The following NAALADL2 variants were observed in gnomAD, a reference collection of about 807,000 sequenced individuals.
NAALADL2 encodes the protein inactive N-acetylated-alpha-linked acidic dipeptidase-like protein 2.
Under a neutral mutation model 87.2 loss-of-function variants are expected in NAALADL2, and 76 were observed. The ratio of observed to expected loss-of-function variants is 0.87; its 90% CI spans 0.72 to 1.05. The LOEUF (loss-of-function observed/expected upper bound fraction) is 1.05. Ranked by LOEUF, NAALADL2 falls within the 50% of genes least tolerant of loss-of-function variation. NAALADL2 has a pLI of 0.00. For synonymous variants in NAALADL2, 354 were observed against 331.0 expected (o/e 1.07, Z -0.75); for missense variants, 1,089 against 945.8 (o/e 1.15, Z -1.99).
At chr3:174,745,975 T>G (rs1734214254) in intron 3 of NAALADL2, among the ~76,000 whole-genome samples, 1 of 152,128 alleles carries the variant, frequency 6.6e-6, no homozygotes, top group African/African-American at 2.4e-5. Flanking sequence ...CCAATATCAT[T>G]CTGAATGGGC....
Position 174,625,867 on chromosome 3 carries a change from C to G in NAALADL2, c.-115+75230C>G, listed in dbSNP as rs142215237. On this transcript the variant is annotated intron_variant, in intron 2 of 3. Coordinates refer to the NAALADL2 transcript ENST00000434257. Reference sequence around the variant, plus strand: ...ATTCACACCTGTGCGCATATACATACTTCATTTGAAAAATACTGGAGGACT... The same window carrying G: ...ATTCACACCTGTGCGCATATACATAGTTCATTTGAAAAATACTGGAGGACT... Among the ~76,000 whole-genome samples the G allele has an allele frequency of 7.8e-3, 1,184 of 152,038 alleles. 16 individuals are homozygous for G. Among genetic ancestry groups the G allele is most frequent in the African/African-American group, 0.027 (1,117 of 41,484 alleles).
chr3:175,018,877 A>C (rs1055117918), intron 1 of NAALADL2, among the ~76,000 whole-genome samples: 2 of 152,082 alleles, frequency 1.3e-5, no homozygotes, highest in Non-Finnish European at 2.9e-5. Flanking sequence ...AAAAAACAGC[A>C]TAAAGGCTGA....
intron 1 of NAALADL2, among the ~76,000 whole-genome samples, chr3:174,933,755 G>T (rs918951565): frequency 6.6e-6 from 1 of 152,090 alleles, no homozygotes; most frequent in African/African-American, 2.4e-5. Context: ...TAAAGGAAAA[G>T]GAACTCCCAA....
chr3:174,644,584 C>T (rs910621627), intron 2 of NAALADL2, among the ~76,000 whole-genome samples: 3 of 151,994 alleles, frequency 2.0e-5, no homozygotes, highest in African/African-American at 4.8e-5. Context: ...AGTTTAAACC[C>T]AGGTTGTTCA....
At chr3:175,086,316 G>C (rs1273246925) in intron 1 of NAALADL2, among the ~76,000 whole-genome samples, 3 of 151,954 alleles carry the variant, frequency 2.0e-5, no homozygotes, top group African/African-American at 4.8e-5. Flanking sequence ...GATATCAACA[G>C]TGAAACTTGT....
chr3:174,783,575 T>G (rs1466866110), intron 3 of NAALADL2, among the ~76,000 whole-genome samples: 2 of 152,160 alleles, frequency 1.3e-5, no homozygotes, highest in Non-Finnish European at 2.9e-5. Flanking sequence ...TAGGCCAAAT[T>G]TAGCCCATAG....
chr3:175,077,741 T>C (rs1024231752), intron 1 of NAALADL2, among the ~76,000 whole-genome samples: 7 of 152,134 alleles, frequency 4.6e-5, no homozygotes, highest in Non-Finnish European at 1.0e-4. Flanking sequence ...GGTTCTGATA[T>C]CCTATATATA....
intron 5 of NAALADL2, among the ~76,000 whole-genome samples, chr3:175,355,069 T>C (rs907354953): frequency 2.7e-5 from 4 of 150,064 alleles, no homozygotes; most frequent in Non-Finnish European, 5.9e-5. Context: ...TATACATATA[T>C]TTTTTCTTTT....
intron 5 of NAALADL2, among the ~76,000 whole-genome samples, chr3:175,369,096 C>G (rs1766092708): frequency 6.6e-6 from 1 of 152,136 alleles, no homozygotes; most frequent in South Asian, 2.1e-4. Context: ...AGTAATTGCA[C>G]TAATGTCACA....
chr3:175,751,159 A>G (rs763257777), intron 12 of NAALADL2, among the ~76,000 whole-genome samples: 3 of 152,130 alleles, frequency 2.0e-5, no homozygotes, highest in Non-Finnish European at 4.4e-5. Context: ...TTTCACCAGG[A>G]GCAGTGATCT....
intron 2 of NAALADL2, among the ~76,000 whole-genome samples, chr3:175,218,865 G>A (rs1365308149): frequency 2.0e-5 from 3 of 151,578 alleles, no homozygotes; most frequent in African/African-American, 2.4e-5. Flanking sequence ...GAGTGCAATC[G>A]CGCAATCTCA....
At chr3:175,371,845 G>A (rs1446133606) in intron 5 of NAALADL2, among the ~76,000 whole-genome samples, 1 of 151,500 alleles carries the variant, frequency 6.6e-6, no homozygotes, top group Admixed American at 6.6e-5. Flanking sequence ...CACTAAAATG[G>A]CTATTATTCA....
chr3:175,762,235 T>C (rs1384031496), intron 13 of NAALADL2, among the ~76,000 whole-genome samples: 2 of 149,100 alleles, frequency 1.3e-5, no homozygotes, highest in African/African-American at 5.0e-5. Context: ...TGTTCCAGCA[T>C]TGTTTGTTAA....
intron 1 of NAALADL2, among the ~76,000 whole-genome samples, chr3:174,860,694 A>C (rs1579242623): frequency 6.6e-6 from 1 of 152,086 alleles, no homozygotes; most frequent in Admixed American, 6.6e-5. Context: ...GTCTGTATTC[A>C]GCGATCAAAA....
chr3:175,116,532 T>G (rs1405598500), intron 2 of NAALADL2, among the ~76,000 whole-genome samples: 1 of 151,996 alleles, frequency 6.6e-6, no homozygotes, highest in Admixed American at 6.6e-5. Context: ...ACAAGGGATG[T>G]GAAGGACCTC....
chr3:174,685,929 G>C (rs892020914), intron 2 of NAALADL2, among the ~76,000 whole-genome samples: 1 of 147,750 alleles, frequency 6.8e-6, no homozygotes, highest in African/African-American at 2.5e-5. Context: ...TTGGTTTTCT[G>C]TTCCTGTGTT....
intron 12 of NAALADL2, among the ~76,000 whole-genome samples, chr3:175,740,744 G>T (rs1745119681): frequency 6.6e-6 from 1 of 152,162 alleles, no homozygotes; most frequent in Admixed American, 6.5e-5. Flanking sequence ...GGGCGGACAT[G>T]TTCCTCCTCT....
chr3:175,142,297 TTTATAA>T (rs969651907), intron 2 of NAALADL2, among the ~76,000 whole-genome samples: 1 of 152,048 alleles, frequency 6.6e-6, no homozygotes, highest in African/African-American at 2.4e-5. Context: ...ATTAATTTCG[TTTATAA>T]TTATGTGGAA....
At chr3:175,504,976 T>G (rs1730098608) in intron 9 of NAALADL2, among the ~76,000 whole-genome samples, 1 of 152,104 alleles carries the variant, frequency 6.6e-6, no homozygotes, top group South Asian at 2.1e-4. Context: ...TGTTTGACGC[T>G]AAGGAAAGTA....
Sources: gnomAD v4.1 joint callset for allele counts (sites outside exome capture counted in the v4.1 genomes callset) on GRCh38, gnomAD v4.1.1 for gene constraint, MANE v1.5 for transcripts, NCBI Gene and HGNC (gene_info 2026-07-23, HGNC 2026-07-21) for gene names.